Variants in TMEM132D observed in about 807,000 individuals in gnomAD.
TMEM132D encodes mature OL transmembrane protein.
TMEM132D carries 21 observed loss-of-function variants against 62.3 expected under a neutral mutation model. The observed-to-expected ratio is 0.34, with a 90% confidence interval of 0.24 to 0.49. The LOEUF (loss-of-function observed/expected upper bound fraction) is 0.49, where lower values mean the gene tolerates loss of function less well. Among genes scored for constraint, TMEM132D ranks in the 20% least tolerant of loss-of-function variants. The pLI is 0.99. For missense variants in TMEM132D, 1,346 were observed against 1,402.8 expected (o/e 0.96, Z 0.65); for synonymous variants, 621 against 575.6 (o/e 1.08, Z -1.13).
At chr12:129,809,140 T>C (rs1593170399) in intron 1 of TMEM132D, among the ~76,000 whole-genome samples, 1 of 151,922 alleles carries the variant, frequency 6.6e-6, no homozygotes, top group Non-Finnish European at 1.5e-5. Context: ...AAACCTCGTC[T>C]CTACTAAAAA....
chr12:129,736,909 C>T (rs900463570), intron 1 of TMEM132D, among the ~76,000 whole-genome samples: 4 of 151,750 alleles, frequency 2.6e-5, no homozygotes, highest in African/African-American at 4.8e-5. Flanking sequence ...CCTCTGCCAC[C>T]CGGGCTCAAG....
intron 1 of TMEM132D, among the ~76,000 whole-genome samples, chr12:129,805,104 T>C (rs1280798628): frequency 1.3e-5 from 2 of 149,156 alleles, no homozygotes; most frequent in African/African-American, 5.0e-5. Flanking sequence ...ATCGTGAAAA[T>C]GGCCATACTG....
intron 4 of TMEM132D, among the ~76,000 whole-genome samples, chr12:129,219,004 G>T (rs1879283745): frequency 6.6e-6 from 1 of 152,158 alleles, no homozygotes; most frequent in Non-Finnish European, 1.5e-5. Context: ...GTTTCCCCGG[G>T]TGTGTAAACT....
chr12:129,662,812 A>G lies in TMEM132D; in HGVS notation c.968+36998T>C, dbSNP rs28668261. Among the ~76,000 whole-genome samples, 764 of 83,332 alleles carry G rather than the reference A, an allele frequency of 9.2e-3. 9 individuals carry two copies. The highest frequency in any genetic ancestry group is 0.019 in the African/African-American group (366 of 19,456). 54.7% of individuals were successfully genotyped at this position (83,332 alleles called of 152,430 possible). On this transcript the variant is annotated intron_variant, in intron 2 of 8. Coordinates refer to ENST00000422113, the MANE Select transcript of TMEM132D (RefSeq NM_133448.3). ...ATCTCAAAAAAAAAAAAAAAAAAAA[A>G]AGAGAGAGAGAGAAAGAAATATGAG...
intron 1 of TMEM132D, among the ~76,000 whole-genome samples, chr12:129,869,362 C>A (rs971001720): frequency 2.6e-5 from 4 of 152,114 alleles, no homozygotes; most frequent in African/African-American, 9.7e-5. Flanking sequence ...TCCATGGATA[C>A]CAAAATCCTC....
chr12:129,831,605 A>C (rs1365598339), intron 1 of TMEM132D, among the ~76,000 whole-genome samples: 16 of 152,192 alleles, frequency 1.1e-4, no homozygotes, highest in Non-Finnish European at 4.4e-5. Context: ...GGTTTTCTCT[A>C]TTATTCTGTA....
At chr12:129,460,156 C>A (rs926640699) in intron 3 of TMEM132D, among the ~76,000 whole-genome samples, 1 of 152,198 alleles carries the variant, frequency 6.6e-6, no homozygotes, top group Admixed American at 6.5e-5. Context: ...ACGGGTTCTA[C>A]TTCTACGTGC....
At chr12:129,863,072 G>C (rs1873947751) in intron 1 of TMEM132D, among the ~76,000 whole-genome samples, 1 of 152,212 alleles carries the variant, frequency 6.6e-6, no homozygotes, top group Admixed American at 6.5e-5. Context: ...TTGTGGAGGA[G>C]CTTGGGCTTG....
chr12:129,609,547 C>T (rs1878715462), intron 2 of TMEM132D, among the ~76,000 whole-genome samples: 1 of 152,198 alleles, frequency 6.6e-6, no homozygotes, highest in African/African-American at 2.4e-5. Flanking sequence ...TGGACTCAGC[C>T]TTGATCAAAT....
chr12:129,140,086 T>C (rs1876695093), intron 5 of TMEM132D, among the ~76,000 whole-genome samples: 1 of 152,020 alleles, frequency 6.6e-6, no homozygotes, highest in Non-Finnish European at 1.5e-5. Flanking sequence ...ATTGTTCACA[T>C]ATGGTAAAAT....
intron 2 of TMEM132D, among the ~76,000 whole-genome samples, chr12:129,548,014 A>G (rs1876787225): frequency 6.6e-6 from 1 of 152,094 alleles, no homozygotes; most frequent in Admixed American, 6.5e-5. Context: ...CTTCATAGGG[A>G]GCATGGATCT....
At chr12:129,292,769 G>A (rs1328223302) in intron 4 of TMEM132D, among the ~76,000 whole-genome samples, 2 of 152,172 alleles carry the variant, frequency 1.3e-5, no homozygotes, top group South Asian at 2.1e-4. Flanking sequence ...TGCGTGGGAT[G>A]AGATTTGAGA....
chr12:129,482,008 A>G (rs1462871223), intron 3 of TMEM132D, among the ~76,000 whole-genome samples: 2 of 152,230 alleles, frequency 1.3e-5, no homozygotes, highest in Non-Finnish European at 2.9e-5. Context: ...GAACCCCAAG[A>G]CCACCATGTT....
At chr12:129,584,442 G>C (rs1877962581) in intron 2 of TMEM132D, among the ~76,000 whole-genome samples, 1 of 152,240 alleles carries the variant, frequency 6.6e-6, no homozygotes, top group Non-Finnish European at 1.5e-5. Flanking sequence ...CTTCGAGCAT[G>C]GCTATATGAC....
intron 4 of TMEM132D, among the ~76,000 whole-genome samples, chr12:129,228,785 C>G (rs745828207): frequency 6.6e-6 from 1 of 152,208 alleles, no homozygotes; most frequent in Non-Finnish European, 1.5e-5. Flanking sequence ...CTGTTATGAT[C>G]AGTTAATCAA....
chr12:129,282,307 A>C (rs546380614), intron 4 of TMEM132D, among the ~76,000 whole-genome samples: 3 of 152,316 alleles, frequency 2.0e-5, no homozygotes, highest in Admixed American at 1.3e-4. Flanking sequence ...GTTCCAACCC[A>C]GGCAGAGCCC....
At chr12:129,281,429 A>T (rs560658742) in intron 4 of TMEM132D, among the ~76,000 whole-genome samples, 64 of 144,482 alleles carry the variant, frequency 4.4e-4, no homozygotes, top group Middle Eastern at 3.5e-3. Context: ...TTTTTTTTTT[A>T]AAAAAAAAAA....
intron 7 of TMEM132D, among the ~76,000 whole-genome samples, chr12:129,080,055 T>C (rs1284162522): frequency 6.6e-6 from 1 of 152,234 alleles, no homozygotes; most frequent in Non-Finnish European, 1.5e-5. Flanking sequence ...GTTTAGCCTA[T>C]AGATTTATGG....
At chr12:129,809,547 C>T (rs1872102978) in intron 1 of TMEM132D, among the ~76,000 whole-genome samples, 2 of 152,008 alleles carry the variant, frequency 1.3e-5, no homozygotes, top group African/African-American at 2.4e-5. Flanking sequence ...GGCAGCTTTG[C>T]GCTAAGATTT....
Sources: allele counts gnomAD v4.1 joint callset (sites outside exome capture counted in the v4.1 genomes callset), GRCh38; gene constraint gnomAD v4.1.1; transcripts MANE v1.5; gene names NCBI Gene and HGNC (gene_info 2026-07-23, HGNC 2026-07-21).